The following CCDC154 variants were observed in gnomAD, a reference collection of about 807,000 sequenced individuals.
CCDC154 encodes coiled-coil domain containing 154.
Under a neutral mutation model 87.5 loss-of-function variants are expected in CCDC154, and 91 were observed. The observed-to-expected ratio is 1.04, with a 90% CI of 0.88 to 1.24. CCDC154 has a LOEUF of 1.24. Ranked by LOEUF, CCDC154 falls within the 50% of genes most tolerant of loss-of-function variation. CCDC154 has a pLI of 0.00. For synonymous variants in CCDC154, 418 were observed against 400.4 expected (o/e 1.04, Z -0.52); for missense variants, 903 against 879.2 (o/e 1.03, Z -0.34).
chr16:1,443,240 C>T, intron 4 of CCDC154, 21 bp downstream of exon 4: 2 of 1,547,860 alleles, frequency 1.3e-6, no homozygotes, highest in South Asian at 1.2e-5. Flanking sequence ...GGGCCTGTGC[C>T]CCTAGGTGTG....
At chr16:1,439,233 G>T in intron 6 of CCDC154, 107 bp from the exon 7 acceptor site, 2 of 1,016,798 alleles carry the variant, frequency 2.0e-6, no homozygotes, top group Non-Finnish European at 2.9e-6. Flanking sequence ...CTGTCCCCAA[G>T]CCCTGAGCCC....
intron 5 of CCDC154, 67 bp from the exon 6 acceptor site, chr16:1,442,596 C>T: frequency 6.9e-7 from 1 of 1,455,566 alleles, no homozygotes; most frequent in Non-Finnish European, 9.1e-7. Flanking sequence ...GAGGCTGACC[C>T]ACAGGCTGGC....
At position 1,438,158 on chromosome 16, in the gene CCDC154, C is replaced by T. The variant is rs1213294689; in HGVS notation, c.1044G>A (p.Leu348=). 2.6e-6 allele frequency: 4 copies of T among 1,545,168 alleles called. No individual in the cohort carries two copies. The highest frequency in any genetic ancestry group is 3.5e-6 in the Non-Finnish European group (4 of 1,144,048). ...CCAGCTCCCCAGCCCGGCTTTCCTCCAAGCGCCCCTTGGCGTCCCTAGGGG... is the reference window on the plus strand; with the variant it reads ...CCAGCTCCCCAGCCCGGCTTTCCTCTAAGCGCCCCTTGGCGTCCCTAGGGG... ...EEKAWDAKGR[L]EESRAGELAA... The change falls in exon 10 of 17, where the codon TTG becomes TTA. Residue 348 remains leucine, a synonymous_variant. Coordinates refer to ENST00000389176, the MANE Select transcript of CCDC154 (RefSeq NM_001143980.3).
At position 1,442,967 on chromosome 16, in the gene CCDC154, T is replaced by A. The variant is rs2038567848; in HGVS notation, c.464A>T (p.Glu155Val). Residue 155 changes from glutamate to valine, a missense_variant, in exon 5 of 17, where the codon GAG becomes GTG. Coordinates refer to ENST00000389176, the MANE Select transcript of CCDC154 (RefSeq NM_001143980.3). ...GAGCCGGGTCAAGGCTTCCCGGACC[T>A]CCACCAGCCTGGGACACAACAAGCC... ...QMQALDKRLV[E>V]VREALTRLRR... 2 of 1,549,226 alleles carry A rather than the reference T, an allele frequency of 1.3e-6. No homozygotes were observed. The highest frequency in any genetic ancestry group is 2.7e-5 in the African/African-American group (2 of 72,994).
chr16:1,435,131 G>C lies in CCDC154; in HGVS notation c.1650C>G (p.Asn550Lys). Residue 550 changes from asparagine (N) to lysine (K), a missense_variant, in exon 15 of 17, where the codon AAC (asparagine) becomes AAG (lysine). Asn to Lys is a moderately conservative substitution (Grantham distance 94, BLOSUM62 0). Transcript: ENST00000389176. ...IMKLENCVQA[N>K]KTIQNLRFNT... ...TGAACCTGAGGTTCTGGATGGTCTT[G>C]TTGGCCTGGACGCAGTTTTCCAGCT... is the stretch of plus-strand genomic sequence containing the variant. 3.9e-6 allele frequency: 6 copies of C among 1,550,416 alleles called. No homozygotes were observed. The highest frequency in any genetic ancestry group is 1.2e-5 in the South Asian group (1 of 84,052).
chr16:1,440,578 A>G (rs2038542833), intron 6 of CCDC154, among the ~76,000 whole-genome samples: 2 of 152,142 alleles, frequency 1.3e-5, no homozygotes, highest in South Asian at 2.1e-4. Context: ...AGGCTGAGGC[A>G]GGAGGATCAC....
chr16:1,437,672 C>T (rs904779679), intron 11 of CCDC154, 145 bp downstream of exon 11: 2 of 1,057,436 alleles, frequency 1.9e-6, no homozygotes, highest in Admixed American at 3.1e-5. Flanking sequence ...CGGGGTCTCC[C>T]AGGCCCTGGG....
chr16:1,439,036 C>T lies in CCDC154; in HGVS notation c.766G>A (p.Ala256Thr), dbSNP rs1006217770. The part of the protein sequence containing the change: ...LCGFLQKSFL[A>T]LEKRMKASES... ...GGGCAGGCTCCCACCTTCTCCAGGG[C>T]CAGGAAGCTCTTCTGCAGGAAGCCG... The change falls in exon 7 of 17, where the codon GCC becomes ACC. Residue 256 changes from alanine to threonine, a missense_variant. By Grantham distance (58) the Ala-to-Thr change is moderately conservative. Transcript: ENST00000389176. 6.5e-7 allele frequency: 1 copy of T among 1,550,230 alleles called. No individual in the cohort carries two copies. Among genetic ancestry groups the T allele is most frequent in the East Asian group, 2.4e-5 (1 of 40,908 alleles).
intron 9 of CCDC154, chr16:1,438,405 G>A (rs889717073): frequency 5.5e-6 from 4 of 730,940 alleles, no homozygotes; most frequent in African/African-American, 1.8e-5. Context: ...CATGGCCACA[G>A]CTGAGTGCCC....
rs1322406067 is a variant in CCDC154 at position 1,444,408 on chromosome 16, CA to C, written c.-87del. On this transcript the variant is annotated 5_prime_UTR_variant, in exon 1 of 17. Coordinates refer to ENST00000389176, the MANE Select transcript of CCDC154 (RefSeq NM_001143980.3). ...AGGTTGCCCAGAGCTGGGCACAGGC[CA>C]GGGGGGTCAGGAGCCAGAGGAAGTC... 11 of 1,231,110 alleles carry C rather than the reference CA, an allele frequency of 8.9e-6. No homozygotes were observed. Among genetic ancestry groups the C allele is most frequent in the East Asian group, 5.7e-5 (1 of 17,576 alleles). The allele number at this position is 1,231,110 out of a possible 1,614,324, so 76.3% of individuals were successfully genotyped here. A position where few individuals can be genotyped will look rare whatever the true frequency, so the allele number is the denominator to read the frequency against.
At chr16:1,435,902 G>T in intron 14 of CCDC154, 67 bp downstream of exon 14, 2 of 1,352,954 alleles carry the variant, frequency 1.5e-6, no homozygotes, top group Non-Finnish European at 2.0e-6. Context: ...CTCTCCGCAC[G>T]GCTGCCCCGT....
chr16:1,444,272 T>C, intron 1 of CCDC154, 44 bp downstream of exon 1: 1 of 1,299,196 alleles, frequency 7.7e-7, no homozygotes, highest in South Asian at 1.2e-5. Flanking sequence ...CCCTCACACC[T>C]GTGGCAAGCC....
Position 1,442,367 on chromosome 16 carries a change from C to T in CCDC154, c.675+39G>A, listed in dbSNP as rs775938034. Reference sequence around the variant, plus strand: ...AGAGGGTTAGGGTCTCCTCCTCGGCCCTCTGGGCGGCCCCCCTGAAGCCTG... The same window carrying T: ...AGAGGGTTAGGGTCTCCTCCTCGGCTCTCTGGGCGGCCCCCCTGAAGCCTG... On this transcript the variant is annotated intron_variant, in intron 6 of 16. Coordinates refer to ENST00000389176, the MANE Select transcript of CCDC154 (RefSeq NM_001143980.3). 5 of 1,521,446 alleles carry T rather than the reference C, an allele frequency of 3.3e-6. No individual in the cohort carries two copies. The South Asian group carries it at 6.3e-5, about 19-fold the overall frequency. 94.2% of individuals were successfully genotyped at this position (1,521,446 alleles called of 1,614,324 possible).
In CCDC154 at chr16:1,438,955, C is replaced by A; in HGVS notation, c.778-12G>T. On this transcript the variant is annotated splice_polypyrimidine_tract_variant and intron_variant, in intron 7 of 16. Coordinates refer to ENST00000389176, the MANE Select transcript of CCDC154 (RefSeq NM_001143980.3). ...GAGGCCTTCATTCTCTGTGGGGAGACCCCACTGTCAGCTGCAGGTCTGCGT... is the reference window on the plus strand; with the variant it reads ...GAGGCCTTCATTCTCTGTGGGGAGAACCCACTGTCAGCTGCAGGTCTGCGT... 1.3e-6 allele frequency: 2 copies of A among 1,548,794 alleles called. No individual in the cohort carries two copies. Among genetic ancestry groups the A allele is most frequent in the Non-Finnish European group, 1.7e-6 (2 of 1,145,942 alleles).
chr16:1,438,767 C>T (rs11860973), intron 8 of CCDC154, 30 bp from the exon 9 acceptor site: 1 of 1,545,520 alleles, frequency 6.5e-7, no homozygotes, highest in Non-Finnish European at 8.7e-7. Flanking sequence ...GCCCTGAGAC[C>T]TGCACCCCGG....
intron 6 of CCDC154, among the ~76,000 whole-genome samples, chr16:1,440,481 G>C (rs951797061): frequency 2.0e-5 from 3 of 149,824 alleles, no homozygotes; most frequent in African/African-American, 5.0e-5. Context: ...GAGAAGAGAA[G>C]AGAAGAGAAC....
intron 6 of CCDC154, among the ~76,000 whole-genome samples, chr16:1,439,610 C>T (rs1435619684): frequency 6.6e-6 from 1 of 152,210 alleles, no homozygotes; most frequent in African/African-American, 2.4e-5. Flanking sequence ...AAAGGGTAGG[C>T]AGGCGGCACA....
intron 6 of CCDC154, 34 bp from the exon 7 acceptor site, chr16:1,439,160 T>A: frequency 6.6e-7 from 1 of 1,508,094 alleles, no homozygotes; most frequent in Non-Finnish European, 9.0e-7. Context: ...GTGTGCAGCC[T>A]CTGCTGGACA....
chr16:1,443,775 A>C, intron 2 of CCDC154, 21 bp downstream of exon 2: 1 of 1,305,164 alleles, frequency 7.7e-7, no homozygotes, highest in Non-Finnish European at 1.0e-6. Flanking sequence ...CTCCCCCGCC[A>C]GCACCCCCTG....
Sources: allele counts gnomAD v4.1 joint callset (sites outside exome capture counted in the v4.1 genomes callset), GRCh38; gene constraint gnomAD v4.1.1; transcripts MANE v1.5; gene names NCBI Gene and HGNC (gene_info 2026-07-23, HGNC 2026-07-21).